Variants in SPHKAP observed in about 807,000 individuals in gnomAD.
SPHKAP encodes SPHK1 interactor, AKAP domain containing, also known as A-kinase anchor protein SPHKAP.
Under a neutral mutation model 137.5 loss-of-function variants are expected in SPHKAP, and 67 were observed. That is an observed-to-expected ratio of 0.49 (90% CI 0.40 to 0.60). SPHKAP has a LOEUF of 0.60. SPHKAP is among the 20% of genes least tolerant of loss of function. The pLI is 0.00. For synonymous variants in SPHKAP, 813 were observed against 785.3 expected (o/e 1.04, Z -0.59); for missense variants, 2,097 against 2,069.3 (o/e 1.01, Z -0.26).
intron 3 of SPHKAP, among the ~76,000 whole-genome samples, chr2:228,069,956 G>A (rs1696954095): frequency 6.6e-6 from 1 of 152,136 alleles, no homozygotes; most frequent in Non-Finnish European, 1.5e-5. Context: ...TGTCCCAGCT[G>A]GGATCAGGAA....
chr2:228,019,770 G>A lies in SPHKAP; in HGVS notation c.1084C>T (p.Gln362Ter). ...DVPSACAVAEQRSNLNPGDHE... is the reference protein window; with the variant it reads ...DVPSACAVAE ...TCTCCTGGGTTTAGGTTGCTTCTCT[G>A]CTCTGCCACAGCACATGCAGAAGGT... The change falls in exon 7 of 12, where the codon CAG becomes TAG. Residue 362 changes from glutamine (Q) to a stop codon, truncating the protein, a stop_gained. Transcript: ENST00000392056. LOFTEE classifies it high-confidence loss of function. 6.2e-7 allele frequency: 1 copy of A among 1,614,106 alleles called. No individual in the cohort carries two copies. Among genetic ancestry groups the A allele is most frequent in the Non-Finnish European group, 8.5e-7 (1 of 1,180,000 alleles).
intron 1 of SPHKAP, among the ~76,000 whole-genome samples, chr2:228,178,697 T>A (rs936977440): frequency 3.9e-5 from 6 of 152,132 alleles, no homozygotes; most frequent in Non-Finnish European, 7.4e-5. Flanking sequence ...CAGAAAACAC[T>A]TGGATTCCAG....
At chr2:228,027,975 AAG>A (rs1491015638) in intron 3 of SPHKAP, 56 of 968,834 alleles carry the variant, frequency 5.8e-5, no homozygotes, top group African/African-American at 3.8e-4. Flanking sequence ...AAAAAAAAAA[AAG>A]AAAAAAGAAA....
intron 3 of SPHKAP, among the ~76,000 whole-genome samples, chr2:228,069,265 C>G (rs1696930240): frequency 6.6e-6 from 1 of 152,086 alleles, no homozygotes; most frequent in Non-Finnish European, 1.5e-5. Context: ...AAAACTCTGT[C>G]TCAAAACAAC....
chr2:228,029,488 C>T (rs1695199923), intron 3 of SPHKAP, among the ~76,000 whole-genome samples: 1 of 152,142 alleles, frequency 6.6e-6, no homozygotes, highest in Non-Finnish European at 1.5e-5. Context: ...CCTTGAAGTG[C>T]AACCCTAGGA....
chr2:228,017,091 T>C lies in SPHKAP; in HGVS notation c.3763A>G (p.Ile1255Val), dbSNP rs771561496. ...PCSRLTVNVP[I>V]KANSLDGFAQ... Reference sequence around the variant, plus strand: ...AAGCCATCTAAAGAGTTGGCTTTGATGGGCACATTCACTGTCAGCCTGGAG... The same window carrying C: ...AAGCCATCTAAAGAGTTGGCTTTGACGGGCACATTCACTGTCAGCCTGGAG... The change falls in exon 7 of 12, where the codon ATC (isoleucine) becomes GTC (valine). Residue 1255 changes from isoleucine (I) to valine (V), a missense_variant. By Grantham distance (29) the Ile-to-Val change is conservative. Transcript: ENST00000392056. 4 of 1,613,964 alleles carry C rather than the reference T, an allele frequency of 2.5e-6. No individual in the cohort carries two copies. The highest frequency in any genetic ancestry group is 1.7e-5 in the Admixed American group (1 of 59,990).
chr2:228,047,671 T>C (rs145259768), intron 3 of SPHKAP, among the ~76,000 whole-genome samples: 108 of 152,292 alleles, frequency 7.1e-4, no homozygotes, highest in African/African-American at 2.5e-3. Context: ...CCCTCTGTGC[T>C]CGCAGAGCTA....
intron 7 of SPHKAP, among the ~76,000 whole-genome samples, chr2:227,998,117 C>T (rs1475288334): frequency 6.6e-6 from 1 of 152,214 alleles, no homozygotes; most frequent in African/African-American, 2.4e-5. Flanking sequence ...AGCAACTCCC[C>T]TGCCTCGGCC....
rs1694645938 is a variant in SPHKAP at position 228,017,345 on chromosome 2, T to C, written c.3509A>G (p.Lys1170Arg). ...AGGCCTCACACTGAGGTGGTCACTT[T>C]TCCGGCACGCCTGTTGCATGGCTGA... ...LNSAMQQACR[K>R]SDHLSVRPSC... Residue 1170 changes from lysine to arginine, a missense_variant, in exon 7 of 12, where the codon AAA becomes AGA. Coordinates refer to ENST00000392056, the MANE Select transcript of SPHKAP (RefSeq NM_001142644.2). 6 of 1,613,870 alleles carry C rather than the reference T, an allele frequency of 3.7e-6. No individual in the cohort carries two copies. The East Asian group carries it at 1.3e-4, about 36-fold the overall frequency.
chr2:228,086,128 G>A (rs1216615443), intron 3 of SPHKAP, among the ~76,000 whole-genome samples: 3 of 152,048 alleles, frequency 2.0e-5, no homozygotes, highest in Non-Finnish European at 2.9e-5. Context: ...AGTATGAAGA[G>A]CTCTTAGGAC....
At chr2:228,107,063 G>A (rs1002906165) in intron 3 of SPHKAP, among the ~76,000 whole-genome samples, 17 of 132,710 alleles carry the variant, frequency 1.3e-4, no homozygotes, top group South Asian at 2.3e-4. Context: ...ATTAACTCAC[G>A]TAGTTATCAT....
chr2:228,119,458 C>CACAT (rs1698836914), intron 2 of SPHKAP, among the ~76,000 whole-genome samples: 1 of 148,984 alleles, frequency 6.7e-6, no homozygotes, highest in Non-Finnish European at 1.5e-5. Context: ...GCCTAGTATA[C>CACAT]ACACACACAC....
chr2:228,095,502 TG>T (rs1398276598), intron 3 of SPHKAP, among the ~76,000 whole-genome samples: 3 of 152,094 alleles, frequency 2.0e-5, no homozygotes, highest in East Asian at 3.9e-4. Context: ...AGAAGCTGTG[TG>T]GGGGTGTGAG....
At chr2:227,996,520 G>C (rs1490828849) in intron 7 of SPHKAP, among the ~76,000 whole-genome samples, 1 of 152,098 alleles carries the variant, frequency 6.6e-6, no homozygotes, top group African/African-American at 2.4e-5. Flanking sequence ...TTCCACAGTC[G>C]GTTCCTAAGC....
At chr2:228,161,111 T>C (rs1396774523) in intron 1 of SPHKAP, among the ~76,000 whole-genome samples, 2 of 152,174 alleles carry the variant, frequency 1.3e-5, no homozygotes, top group Non-Finnish European at 2.9e-5. Context: ...GCACTGATAC[T>C]TAGCAGGGAT....
chr2:228,179,937 A>T (rs1700849169), intron 1 of SPHKAP, among the ~76,000 whole-genome samples: 1 of 152,220 alleles, frequency 6.6e-6, no homozygotes, highest in African/African-American at 2.4e-5. Flanking sequence ...TCGGAAGATT[A>T]TTAGGACCAC....
chr2:227,994,400 T>C (rs1281980422), intron 8 of SPHKAP, among the ~76,000 whole-genome samples: 1 of 152,150 alleles, frequency 6.6e-6, no homozygotes, highest in East Asian at 1.9e-4. Context: ...GCTTGTGAAA[T>C]GAAATATATC....
intron 1 of SPHKAP, among the ~76,000 whole-genome samples, chr2:228,135,811 A>G (rs1294900061): frequency 1.3e-5 from 2 of 152,236 alleles, no homozygotes; most frequent in African/African-American, 4.8e-5. Flanking sequence ...GCATTACTAG[A>G]TGACAAGTGT....
chr2:228,077,084 A>T (rs949290685), intron 3 of SPHKAP, among the ~76,000 whole-genome samples: 3 of 152,202 alleles, frequency 2.0e-5, no homozygotes, highest in Non-Finnish European at 4.4e-5. Flanking sequence ...CAGCTTCCAC[A>T]TGATGTTGAG....
Sources: allele counts gnomAD v4.1 joint callset (sites outside exome capture counted in the v4.1 genomes callset), GRCh38; gene constraint gnomAD v4.1.1; transcripts MANE v1.5; gene names NCBI Gene and HGNC (gene_info 2026-07-23, HGNC 2026-07-21).